ICA1: variants seen among roughly 807,000 people sequenced by gnomAD.
ICA1 encodes the protein 69 kDa islet cell autoantigen.
A neutral mutation model predicts 71.0 loss-of-function variants in ICA1; 40 were observed. The observed-to-expected ratio is 0.56, with a 90% CI of 0.44 to 0.73. The LOEUF is 0.73. Ranked by LOEUF, ICA1 falls within the 30% of genes least tolerant of loss-of-function variation. The probability of loss-of-function intolerance (pLI) is 0.00; values close to 1 mark genes in which losing one functional copy is unlikely to be tolerated. For synonymous variants in ICA1, 207 were observed against 209.5 expected (o/e 0.99, Z 0.10); for missense variants, 578 against 576.5 (o/e 1.00, Z -0.03).
chr7:8,198,332 T>C (rs1226814593), intron 6 of ICA1, among the ~76,000 whole-genome samples: 1 of 152,192 alleles, frequency 6.6e-6, no homozygotes, highest in Non-Finnish European at 1.5e-5. Context: ...CAAAGCATTG[T>C]TTGGAGAAAA....
chr7:8,184,650 A>C (rs1213784853), intron 6 of ICA1, among the ~76,000 whole-genome samples: 1 of 152,156 alleles, frequency 6.6e-6, no homozygotes, highest in Non-Finnish European at 1.5e-5. Flanking sequence ...ATAAAACCTA[A>C]TGAACTATTG....
intron 1 of ICA1, among the ~76,000 whole-genome samples, chr7:8,247,972 A>G (rs1806697475): frequency 6.6e-6 from 1 of 152,242 alleles, no homozygotes; most frequent in Non-Finnish European, 1.5e-5. Context: ...CTTATCAGGC[A>G]GCAACTTGGT....
chr7:8,118,175 A>G (rs1227112294), intron 13 of ICA1, among the ~76,000 whole-genome samples: 3 of 152,214 alleles, frequency 2.0e-5, no homozygotes, highest in African/African-American at 7.2e-5. Flanking sequence ...GAAGTATTTC[A>G]TTTTAGGCAA....
chr7:8,180,495 GAA>G (rs1485197421), intron 6 of ICA1, among the ~76,000 whole-genome samples: 7 of 152,020 alleles, frequency 4.6e-5, no homozygotes, highest in Non-Finnish European at 7.4e-5. Context: ...ACATTCTTGT[GAA>G]TGTTTTACAT....
intron 3 of ICA1, among the ~76,000 whole-genome samples, chr7:8,229,336 G>T (rs1799556081): frequency 6.6e-6 from 1 of 152,330 alleles, no homozygotes; most frequent in South Asian, 2.1e-4. Flanking sequence ...ATAGGCAGAT[G>T]GGGCTGTGCT....
At chr7:8,126,810 A>C (rs576565577) in intron 13 of ICA1, among the ~76,000 whole-genome samples, 1 of 152,320 alleles carries the variant, frequency 6.6e-6, no homozygotes, top group East Asian at 1.9e-4. Flanking sequence ...AATACTAAAA[A>C]ATGGTTTCCT....
intron 6 of ICA1, among the ~76,000 whole-genome samples, chr7:8,174,804 T>C (rs1283720084): frequency 7.4e-6 from 1 of 134,616 alleles, no homozygotes; most frequent in East Asian, 2.3e-4. Context: ...AATGAGACAA[T>C]TCATACTCTT....
chr7:8,115,391 T>C (rs117753007), intron 13 of ICA1, among the ~76,000 whole-genome samples: 716 of 152,290 alleles, frequency 4.7e-3, no homozygotes, highest in Non-Finnish European at 8.1e-3. Flanking sequence ...GCAATACTGA[T>C]TTCGCTGGAT....
intron 8 of ICA1, among the ~76,000 whole-genome samples, chr7:8,148,044 G>A (rs968341426): frequency 1.3e-5 from 2 of 152,076 alleles, no homozygotes; most frequent in African/African-American, 2.4e-5. Context: ...CCTGCTACGG[G>A]GTGGCATCCT....
intron 1 of ICA1, among the ~76,000 whole-genome samples, chr7:8,261,293 A>T (rs1812252037): frequency 6.6e-6 from 1 of 152,174 alleles, no homozygotes; most frequent in East Asian, 1.9e-4. Flanking sequence ...TGGGGGTACT[A>T]CAAGTAAAAA....
chr7:8,117,146 T>G (rs1366741965), intron 13 of ICA1, among the ~76,000 whole-genome samples: 2 of 152,234 alleles, frequency 1.3e-5, no homozygotes, highest in African/African-American at 2.4e-5. Flanking sequence ...CATACTTTGC[T>G]TCCCCTTCAT....
chr7:8,128,110 G>A lies in ICA1; in HGVS notation c.1093C>T (p.Pro365Ser), dbSNP rs1380839923. ...AGGTCATCTTTGTCAGCACCTTCAG[G>A]TTCCGGGGTCCCTGCCACTGGTCCC... ...CLGPVAGTPE[P>S]EGADKDDLLL... The change falls in exon 13 of 14, where the codon CCT becomes TCT. Residue 365 changes from proline (P) to serine (S), a missense_variant. By Grantham distance (74) the Pro-to-Ser change is moderately conservative (BLOSUM62 -1). Transcript: ENST00000402384. The A allele has an allele frequency of 1.2e-6, 2 of 1,614,032 alleles. No individual in the cohort carries two copies. Among genetic ancestry groups the A allele is most frequent in the Admixed American group, 3.3e-5 (2 of 59,996 alleles).
intron 1 of ICA1, among the ~76,000 whole-genome samples, chr7:8,242,676 A>G (rs1190887380): frequency 6.6e-6 from 1 of 152,238 alleles, no homozygotes; most frequent in East Asian, 1.9e-4. Context: ...AGCAAGACTA[A>G]TAAAGAAGAA....
intron 9 of ICA1, 153 bp from the exon 10 acceptor site, chr7:8,141,970 T>C (rs1223414272): frequency 6.6e-7 from 1 of 1,507,134 alleles, no homozygotes; most frequent in Non-Finnish European, 8.9e-7. Flanking sequence ...GTCATTTACA[T>C]GCCAATTTGC....
intron 12 of ICA1, among the ~76,000 whole-genome samples, chr7:8,137,712 C>T (rs1336546263): frequency 6.6e-6 from 1 of 152,218 alleles, no homozygotes; most frequent in Non-Finnish European, 1.5e-5. Context: ...GCATAGTATG[C>T]TACCTGTCGT....
At chr7:8,161,412 C>T (rs1208479606) in intron 6 of ICA1, among the ~76,000 whole-genome samples, 1 of 152,138 alleles carries the variant, frequency 6.6e-6, no homozygotes, top group African/African-American at 2.4e-5. Flanking sequence ...GGCATTAAAG[C>T]CTTAACTAAT....
chr7:8,136,056 T>G (rs1793291994), intron 12 of ICA1, among the ~76,000 whole-genome samples: 1 of 152,196 alleles, frequency 6.6e-6, no homozygotes, highest in Non-Finnish European at 1.5e-5. Flanking sequence ...ACTTTTTTAC[T>G]TAAAATAGTT....
chr7:8,195,715 C>T (rs1787241528), intron 6 of ICA1, among the ~76,000 whole-genome samples: 1 of 152,018 alleles, frequency 6.6e-6, no homozygotes, highest in South Asian at 2.1e-4. Flanking sequence ...CACAGTGGCT[C>T]ATGCTTGCAA....
chr7:8,141,727 T>C, intron 10 of ICA1, 38 bp downstream of exon 10: 1 of 1,293,306 alleles, frequency 7.7e-7, no homozygotes, highest in Non-Finnish European at 1.1e-6. Flanking sequence ...CATTAAGTAA[T>C]ATTTCAGAAG....
Sources: gnomAD v4.1 joint callset for allele counts (sites outside exome capture counted in the v4.1 genomes callset) on GRCh38, gnomAD v4.1.1 for gene constraint, MANE v1.5 for transcripts, NCBI Gene and HGNC (gene_info 2026-07-23, HGNC 2026-07-21) for gene names.